PCSK6: variants seen among roughly 807,000 people sequenced by gnomAD.
PCSK6 encodes proprotein convertase subtilisin/kexin type 6.
A neutral mutation model predicts 123.3 loss-of-function variants in PCSK6; 85 were observed. The ratio of observed to expected loss-of-function variants is 0.69; its 90% confidence interval spans 0.58 to 0.83. The LOEUF (loss-of-function observed/expected upper bound fraction) is 0.83. Ranked by LOEUF, PCSK6 falls within the 40% of genes least tolerant of loss-of-function variation. The pLI, the probability that PCSK6 is intolerant of heterozygous loss-of-function variation, is 0.00. For missense variants in PCSK6, 1,191 were observed against 1,282.3 expected (o/e 0.93, Z 1.09); for synonymous variants, 508 against 516.0 (o/e 0.98, Z 0.21).
At chr15:101,404,690 TAAG>T (rs1242345105) in intron 6 of PCSK6, among the ~76,000 whole-genome samples, 1 of 152,132 alleles carries the variant, frequency 6.6e-6, no homozygotes, top group African/African-American at 2.4e-5. Context: ...CCGGGGCAGT[TAAG>T]AAGATTAACG....
intron 1 of PCSK6, among the ~76,000 whole-genome samples, chr15:101,453,419 C>T (rs2057086530): frequency 6.6e-6 from 1 of 152,188 alleles, no homozygotes; most frequent in Non-Finnish European, 1.5e-5. Flanking sequence ...GCTAACTTCC[C>T]TGTGCCATGT....
At chr15:101,410,813 G>A (rs1026468880) in intron 6 of PCSK6, among the ~76,000 whole-genome samples, 2 of 152,216 alleles carry the variant, frequency 1.3e-5, no homozygotes, top group African/African-American at 4.8e-5. Context: ...TGTGAACCCA[G>A]ATGTGGCAAT....
chr15:101,379,781 G>A (rs1322538851), intron 11 of PCSK6, among the ~76,000 whole-genome samples: 1 of 152,206 alleles, frequency 6.6e-6, no homozygotes, highest in Non-Finnish European at 1.5e-5. Flanking sequence ...AACCCCGATG[G>A]GGAAAACTCG....
intron 1 of PCSK6, among the ~76,000 whole-genome samples, chr15:101,484,330 A>C (rs1355698212): frequency 3.3e-5 from 5 of 152,162 alleles, no homozygotes; most frequent in Non-Finnish European, 7.3e-5. Flanking sequence ...TACTTTTACT[A>C]CATCTATAAG....
rs377046065 is a variant in PCSK6 at position 101,389,493 on chromosome 15, C to T, written c.1281G>A (p.Ala427=). Residue 427 remains alanine (A), a synonymous_variant, in exon 9 of 22, where the codon GCG becomes GCA. Coordinates refer to ENST00000611716, the MANE Select transcript of PCSK6 (RefSeq NM_002570.5). The stretch of plus-strand genomic sequence containing the variant: ...CTTCTAGAGCCAAGGCGATGATGCC[C>T]GCCACCATGGGGGCAGAGACTGAGG... The part of the protein sequence containing the change: ...TGTSVSAPMV[A]GIIALALEAN... 97 of 1,613,360 alleles carry T rather than the reference C, an allele frequency of 6.0e-5. No individual in the cohort carries two copies. The East Asian group carries it at 1.3e-3, about 22-fold the overall frequency.
chr15:101,316,532 T>C (rs2039992240), intron 19 of PCSK6: 1 of 152,236 alleles, frequency 6.6e-6, no homozygotes, highest in African/African-American at 2.4e-5. Context: ...TGCTGCCTAA[T>C]CCATCTGGGC....
intron 6 of PCSK6, among the ~76,000 whole-genome samples, chr15:101,409,324 G>A (rs1004786666): frequency 2.0e-5 from 3 of 151,926 alleles, no homozygotes; most frequent in Non-Finnish European, 2.9e-5. Flanking sequence ...AGTGGCTCAC[G>A]CCTGTAATCC....
chr15:101,379,715 TG>T (rs547418196), intron 11 of PCSK6, among the ~76,000 whole-genome samples: 45 of 152,138 alleles, frequency 3.0e-4, no homozygotes, highest in African/African-American at 1.0e-3. Flanking sequence ...GACGGGAAAA[TG>T]GCTGTGTGGG....
At chr15:101,402,840 A>G (rs1289728758) in intron 6 of PCSK6, among the ~76,000 whole-genome samples, 1 of 152,066 alleles carries the variant, frequency 6.6e-6, no homozygotes, top group African/African-American at 2.4e-5. Flanking sequence ...AAACTAGTTC[A>G]ACCATTGTGG....
chr15:101,425,076 A>G (rs1203455522), intron 6 of PCSK6, among the ~76,000 whole-genome samples: 1 of 152,144 alleles, frequency 6.6e-6, no homozygotes, highest in Admixed American at 6.5e-5. Context: ...ACCCCATGAG[A>G]GCAGGGCATG....
In PCSK6 at chr15:101,304,253, A is replaced by G. The variant is rs2039676526; in HGVS notation, c.*1005T>C. On this transcript the variant is annotated 3_prime_UTR_variant, in exon 22 of 22. Transcript: ENST00000611716. ...CATGTAGCTTATAAAATGCCTACAC[A>G]GGTTTGGCAGAATAAATCCAACTGT... 1 of 152,612 alleles carries G rather than the reference A, an allele frequency of 6.6e-6. No individual in the cohort carries two copies. Among genetic ancestry groups the G allele is most frequent in the East Asian group, 1.9e-4 (1 of 5,206 alleles). 9.5% of individuals were successfully genotyped at this position (152,612 alleles called of 1,614,324 possible).
At chr15:101,355,949 C>A (rs954644399) in intron 13 of PCSK6, among the ~76,000 whole-genome samples, 1 of 152,180 alleles carries the variant, frequency 6.6e-6, no homozygotes, top group African/African-American at 2.4e-5. Context: ...TTCTGCACAG[C>A]CCTATCTTAC....
intron 10 of PCSK6, chr15:101,384,020 T>A: frequency 2.6e-6 from 2 of 770,378 alleles, no homozygotes; most frequent in Non-Finnish European, 3.2e-6. Flanking sequence ...TAGGCACACG[T>A]CATTGCTCCT....
intron 6 of PCSK6, among the ~76,000 whole-genome samples, chr15:101,406,028 C>T (rs2141602358): frequency 6.6e-6 from 1 of 152,334 alleles, no homozygotes; most frequent in Non-Finnish European, 1.5e-5. Context: ...CAGGTATGAA[C>T]CACCGTACCC....
At chr15:101,456,521 G>A (rs1301095472) in intron 1 of PCSK6, among the ~76,000 whole-genome samples, 1 of 152,176 alleles carries the variant, frequency 6.6e-6, no homozygotes, top group Middle Eastern at 3.2e-3. Context: ...GAGGGACCCA[G>A]AAGGGCCCAC....
At position 101,389,607 on chromosome 15, in the gene PCSK6, G is replaced by A. The variant is rs780688184; in HGVS notation, c.1210-43C>T. On this transcript the variant is annotated intron_variant, in intron 8 of 21. Coordinates refer to ENST00000611716, the MANE Select transcript of PCSK6 (RefSeq NM_002570.5). The stretch of plus-strand genomic sequence containing the variant: ...ACAGTGAGGCAGTGATGGCAGACAG[G>A]CTAACTCACTCTGTGGAGAAGGCTG... 6 of 1,494,804 alleles carry A rather than the reference G, an allele frequency of 4.0e-6. No homozygotes were observed. In the South Asian group the frequency reaches 5.9e-5, roughly 15 times the overall value. The allele number at this position is 1,494,804 out of a possible 1,614,324, so 92.6% of individuals were successfully genotyped here.
intron 19 of PCSK6, among the ~76,000 whole-genome samples, chr15:101,316,950 C>T (rs1393319440): frequency 7.5e-6 from 1 of 134,042 alleles, no homozygotes; most frequent in Non-Finnish European, 1.5e-5. Context: ...TACTCTGTCG[C>T]CCAGGCTGAA....
At chr15:101,368,569 C>T in intron 12 of PCSK6, among the ~76,000 whole-genome samples, 1 of 152,192 alleles carries the variant, frequency 6.6e-6, no homozygotes, top group East Asian at 1.9e-4. Context: ...TACCTGCTGC[C>T]CCAGCCTCTC....
At chr15:101,342,974 G>C (rs1290085321) in intron 13 of PCSK6, among the ~76,000 whole-genome samples, 1 of 151,468 alleles carries the variant, frequency 6.6e-6, no homozygotes, top group Non-Finnish European at 1.5e-5. Context: ...CTACTATCTA[G>C]AAGAATTTAC....
Sources: allele counts gnomAD v4.1 joint callset (sites outside exome capture counted in the v4.1 genomes callset), GRCh38; gene constraint gnomAD v4.1.1; transcripts MANE v1.5; gene names NCBI Gene and HGNC (gene_info 2026-07-23, HGNC 2026-07-21).